The following DIS3L2 variants were observed in gnomAD, a reference collection of about 807,000 sequenced individuals.
DIS3L2 encodes DIS3-like exonuclease 2.
DIS3L2 carries 34 observed loss-of-function variants against 97.5 expected under a neutral mutation model. The ratio of observed to expected loss-of-function variants is 0.35; its 90% CI spans 0.27 to 0.46. The LOEUF is 0.46. Among genes scored for constraint, DIS3L2 ranks in the 20% least tolerant of loss-of-function variants. DIS3L2 has a pLI of 1.00. For synonymous variants in DIS3L2, 435 were observed against 445.2 expected, an observed-to-expected ratio of 0.98 and a Z score of 0.29; for missense variants, 1,038 against 1,146.0, an observed-to-expected ratio of 0.91 and a Z score of 1.36.
At chr2:232,341,494 T>A (rs993885702), downstream of DIS3L2, among the ~76,000 whole-genome samples, 1 of 148,816 alleles carries the variant, frequency 6.7e-6, no homozygotes, top group African/African-American at 2.6e-5. Context: ...AAGAGGTAGC[T>A]AGTCACAGTT....
intron 5 of DIS3L2, among the ~76,000 whole-genome samples, chr2:232,049,243 T>C (rs1199957270): frequency 6.6e-6 from 1 of 152,204 alleles, no homozygotes; most frequent in Non-Finnish European, 1.5e-5. Flanking sequence ...TTTTTATTTC[T>C]TAAGATTGTT....
chr2:232,077,492 T>C (rs944396726), intron 5 of DIS3L2, among the ~76,000 whole-genome samples: 1 of 152,202 alleles, frequency 6.6e-6, no homozygotes, highest in Non-Finnish European at 1.5e-5. Context: ...TTATTTCTTA[T>C]CAATACTCCT....
chr2:232,106,608 A>C (rs1417597453), intron 6 of DIS3L2, among the ~76,000 whole-genome samples: 1 of 152,210 alleles, frequency 6.6e-6, no homozygotes, highest in East Asian at 1.9e-4. Flanking sequence ...TTATAAAGCA[A>C]CCTCTTAGAG....
chr2:232,059,199 A>G (rs1184423919), intron 5 of DIS3L2, among the ~76,000 whole-genome samples: 1 of 152,218 alleles, frequency 6.6e-6, no homozygotes, highest in Non-Finnish European at 1.5e-5. Context: ...CATAAACTGT[A>G]AGGTTATATG....
chr2:232,172,594 T>C, intron 9 of DIS3L2: 1 of 458,698 alleles, frequency 2.2e-6, no homozygotes, highest in South Asian at 1.6e-5. Flanking sequence ...AATGCTGCTA[T>C]GAATATTTGT....
intron 1 of DIS3L2, among the ~76,000 whole-genome samples, chr2:231,968,871 G>A (rs1197264304): frequency 6.6e-6 from 1 of 152,140 alleles, no homozygotes; most frequent in East Asian, 1.9e-4. Flanking sequence ...ATTTCATGTT[G>A]AATTGTAATC....
At position 232,238,545 on chromosome 2, in the gene DIS3L2, T is replaced by C. The variant is rs1692996534; in HGVS notation, c.1217T>C (p.Val406Ala). ...CKPLADGNFKVGVHIADVSYF... is the reference protein window; with the variant it reads ...CKPLADGNFKAGVHIADVSYF... ...CGTGCATTTACAGGCAACTTCAAAG[T>C]GGGAGTTCACATTGCTGACGTGAGT... The change falls in exon 11 of 21, where the codon GTG becomes GCG. Residue 406 changes from valine to alanine, a missense_variant. Val to Ala is a moderately conservative substitution (Grantham distance 64, BLOSUM62 0). Transcript: ENST00000325385. 7 of 1,614,014 alleles carry C rather than the reference T, an allele frequency of 4.3e-6. No individual in the cohort carries two copies. Among genetic ancestry groups the C allele is most frequent in the Non-Finnish European group, 5.9e-6 (7 of 1,179,978 alleles).
At chr2:232,042,931 A>C (rs1166463207) in intron 5 of DIS3L2, among the ~76,000 whole-genome samples, 1 of 152,272 alleles carries the variant, frequency 6.6e-6, no homozygotes, top group African/African-American at 2.4e-5. Context: ...TACTACTATT[A>C]GTCTTAGAAA....
intron 8 of DIS3L2, among the ~76,000 whole-genome samples, chr2:232,138,785 A>G (rs1374921161): frequency 6.6e-6 from 1 of 152,146 alleles, no homozygotes; most frequent in Non-Finnish European, 1.5e-5. Flanking sequence ...CTAAAAATCA[A>G]GTTTAGCTAA....
At chr2:232,107,904 A>G (rs1216327535) in intron 6 of DIS3L2, among the ~76,000 whole-genome samples, 1 of 152,180 alleles carries the variant, frequency 6.6e-6, no homozygotes, top group East Asian at 1.9e-4. Context: ...TTGAGGCAGT[A>G]ATAACCTACC....
At chr2:232,329,788 C>CTT in intron 14 of DIS3L2, 25 bp from the exon 15 acceptor site, 1 of 1,080,634 alleles carries the variant, frequency 9.3e-7, no homozygotes, top group Non-Finnish European at 1.3e-6. Context: ...CCAGCGGTCC[C>CTT]TCCCATCCCA....
rs141603305 is a variant in DIS3L2 at position 232,272,487 on chromosome 2, G to A, written c.1659+9047G>A. Among the ~76,000 whole-genome samples the A allele has an allele frequency of 6.5e-3, 988 of 152,286 alleles. 19 individuals carry two copies. Among genetic ancestry groups the A allele is most frequent in the Admixed American group, 0.046 (707 of 15,294 alleles). On this transcript the variant is annotated intron_variant, in intron 13 of 20. Transcript: ENST00000325385. ...AGGCCAGTTTGGAGGGTGAAGCCGTGAGCCACACTGTGATGAAAGGGAAAA... is the reference window on the plus strand; with the variant it reads ...AGGCCAGTTTGGAGGGTGAAGCCGTAAGCCACACTGTGATGAAAGGGAAAA...
chr2:232,079,266 T>C (rs1360915256), intron 5 of DIS3L2, among the ~76,000 whole-genome samples: 1 of 152,076 alleles, frequency 6.6e-6, no homozygotes. Context: ...AATAAGGAGA[T>C]ATATACTTTC....
At chr2:232,318,552 G>A (rs1000040379) in intron 14 of DIS3L2, among the ~76,000 whole-genome samples, 1 of 152,194 alleles carries the variant, frequency 6.6e-6, no homozygotes, top group African/African-American at 2.4e-5. Context: ...CAAAGGCCAG[G>A]GGGGAGGTGA....
At chr2:232,087,431 C>T in intron 5 of DIS3L2, 56 bp from the exon 6 acceptor site, 2 of 1,318,206 alleles carry the variant, frequency 1.5e-6, no homozygotes, top group South Asian at 2.8e-5. Context: ...GAAAAATCTG[C>T]TCTTTTTTTT....
rs184951239 is a variant in DIS3L2 at position 232,306,725 on chromosome 2, C to T, written c.1739+6606C>T. ...CCCTGGGGCCACAGAGCTGAATAAA[C>T]GCTGATGCTGCCAACAGAGGCCCAT... is the stretch of plus-strand genomic sequence containing the variant. On this transcript the variant is annotated intron_variant, in intron 14 of 20. Coordinates refer to ENST00000325385, the MANE Select transcript of DIS3L2 (RefSeq NM_152383.5). 7.9e-5 allele frequency among the ~76,000 whole-genome samples: 12 copies of T among 152,288 alleles called. No homozygotes were observed. The South Asian group carries it at 1.7e-3, about 21-fold the overall frequency.
In DIS3L2 at chr2:232,268,974, C is replaced by T. The variant is rs1693915977; in HGVS notation, c.1659+5534C>T. Among the ~76,000 whole-genome samples the T allele has an allele frequency of 6.6e-6, 1 of 152,200 alleles. No homozygotes were observed. The highest frequency in any genetic ancestry group is 1.5e-5 in the Non-Finnish European group (1 of 68,040). On this transcript the variant is annotated intron_variant, in intron 13 of 20. Coordinates refer to ENST00000325385, the MANE Select transcript of DIS3L2 (RefSeq NM_152383.5). The surrounding 1 kb of genome is among the most constrained non-coding windows in gnomAD (Gnocchi z 4.1). ...AATGAATCAGTTTAGCATCAGTTCC[C>T]TTATTCCATTTACAGGCAGGTCGCT...
At chr2:232,047,485 C>G (rs1273772595) in intron 5 of DIS3L2, among the ~76,000 whole-genome samples, 1 of 152,166 alleles carries the variant, frequency 6.6e-6, no homozygotes, top group Non-Finnish European at 1.5e-5. Flanking sequence ...TTGGAATTGT[C>G]TTTTCATTCA....
At chr2:231,969,487 T>A (rs1692830589) in intron 1 of DIS3L2, among the ~76,000 whole-genome samples, 1 of 152,042 alleles carries the variant, frequency 6.6e-6, no homozygotes, top group Non-Finnish European at 1.5e-5. Flanking sequence ...ATTTTTGTAT[T>A]TTCAGTCGAG....
Sources: allele counts gnomAD v4.1 joint callset (sites outside exome capture counted in the v4.1 genomes callset), GRCh38; gene constraint gnomAD v4.1.1; non-coding constraint Gnocchi (gnomAD v3.1); transcripts MANE v1.5; gene names NCBI Gene and HGNC (gene_info 2026-07-23, HGNC 2026-07-21).